The following USP7 variants were observed in gnomAD, a reference collection of about 807,000 sequenced individuals.
USP7 encodes ubiquitin C-terminal hydrolase 7.
Under a neutral mutation model 162.9 loss-of-function variants are expected in USP7, and 9 were observed. That is an observed-to-expected ratio of 0.06 (90% confidence interval 0.03 to 0.10). The LOEUF (loss-of-function observed/expected upper bound fraction) is 0.10, where lower values mean the gene tolerates loss of function less well. Ranked by LOEUF, USP7 falls within the 10% of genes least tolerant of loss-of-function variation. The pLI, the probability that USP7 is intolerant of heterozygous loss-of-function variation, is 1.00. For synonymous variants in USP7, 562 were observed against 475.9 expected (o/e 1.18, Z -2.35); for missense variants, 715 against 1,373.7 (o/e 0.52, Z 7.58).
chr16:8,959,995 G>A (rs191123819), intron 1 of USP7, among the ~76,000 whole-genome samples: 110 of 152,302 alleles, frequency 7.2e-4, no homozygotes, highest in Admixed American at 2.5e-3. Context: ...GAAAAAAACA[G>A]TTTGTATGCA....
intron 26 of USP7, among the ~76,000 whole-genome samples, chr16:8,896,189 A>G (rs75153326): frequency 0.011 from 1,608 of 147,330 alleles, 35 homozygotes; most frequent in African/African-American, 0.039. Flanking sequence ...AGAAACAGAG[A>G]CCGGAGGCAA....
chr16:8,926,102 T>G (rs568236615), intron 2 of USP7, among the ~76,000 whole-genome samples: 1 of 148,194 alleles, frequency 6.7e-6, no homozygotes, highest in Admixed American at 6.8e-5. Flanking sequence ...TGCAGTGAGC[T>G]GAGATCGCGC....
At chr16:8,898,708 G>A (rs2061726675) in intron 23 of USP7, 69 bp from the exon 24 acceptor site, 2 of 1,308,534 alleles carry the variant, frequency 1.5e-6, no homozygotes, top group African/African-American at 1.5e-5. Flanking sequence ...CTGTGAGTGA[G>A]CATAAAAGCA....
intron 1 of USP7, among the ~76,000 whole-genome samples, chr16:8,931,103 C>A (rs959497185): frequency 4.6e-5 from 7 of 151,814 alleles, no homozygotes; most frequent in African/African-American, 1.7e-4. Context: ...ATTCTACAGC[C>A]AATTTTGTTG....
chr16:8,937,784 A>G (rs1898833207), intron 1 of USP7, among the ~76,000 whole-genome samples: 1 of 152,254 alleles, frequency 6.6e-6, no homozygotes, highest in South Asian at 2.1e-4. Flanking sequence ...ACAAAAAAGC[A>G]GTTTGGGAGA....
intron 11 of USP7, 77 bp downstream of exon 11, chr16:8,910,668 T>A: frequency 7.2e-7 from 1 of 1,379,550 alleles, no homozygotes; most frequent in Non-Finnish European, 1.0e-6. Flanking sequence ...ACAAGCAAAT[T>A]TTTATTTAGC....
At chr16:8,941,461 G>A (rs188182214) in intron 1 of USP7, among the ~76,000 whole-genome samples, 30 of 152,294 alleles carry the variant, frequency 2.0e-4, no homozygotes, top group East Asian at 3.9e-4. Flanking sequence ...GTAAAGGCAC[G>A]TATCTCCAGC....
rs747642811 is a variant in USP7 at position 8,910,845 on chromosome 16, G to GA, written c.1079-19dup. The stretch of plus-strand genomic sequence containing the variant: ...TTCAAATACTTTAAAGAGAGAGAGA[G>GA]AAAAGTCAAGTGCTAAAGCTTCATT... On this transcript the variant is annotated intron_variant, in intron 10 of 30. Transcript: ENST00000344836. 6 of 1,594,706 alleles carry GA rather than the reference G, an allele frequency of 3.8e-6. No homozygotes were observed. Among genetic ancestry groups the GA allele is most frequent in the Non-Finnish European group, 5.2e-6 (6 of 1,163,760 alleles).
At chr16:8,916,100 T>C (rs988631845) in intron 8 of USP7, among the ~76,000 whole-genome samples, 2 of 152,146 alleles carry the variant, frequency 1.3e-5, no homozygotes, top group African/African-American at 4.8e-5. Context: ...CATGCTGAGG[T>C]CTGCTCAATG....
At chr16:8,899,301 G>A in intron 22 of USP7, 113 bp from the exon 23 acceptor site, 1 of 1,036,174 alleles carries the variant, frequency 9.7e-7, no homozygotes, top group Non-Finnish European at 1.4e-6. Context: ...AAATTCCCTA[G>A]AAATTTATTA....
chr16:8,943,547 A>AT (rs904068497), intron 1 of USP7, among the ~76,000 whole-genome samples: 6 of 151,954 alleles, frequency 3.9e-5, no homozygotes, highest in African/African-American at 1.5e-4. Flanking sequence ...TGAGAAACAC[A>AT]AACGACTAAC....
intron 1 of USP7, among the ~76,000 whole-genome samples, chr16:8,954,506 T>TG (rs1899700500): frequency 6.6e-6 from 1 of 152,222 alleles, no homozygotes; most frequent in Admixed American, 6.5e-5. Context: ...AGGATTACCC[T>TG]GTTAACCGTA....
intron 3 of USP7, among the ~76,000 whole-genome samples, chr16:8,921,584 G>A (rs1022188266): frequency 6.6e-6 from 1 of 152,142 alleles, no homozygotes; most frequent in African/African-American, 2.4e-5. Flanking sequence ...TTTGACCTCT[G>A]CTTCTACTGC....
chr16:8,904,888 C>T (rs1325356156), intron 14 of USP7, among the ~76,000 whole-genome samples: 2 of 152,122 alleles, frequency 1.3e-5, no homozygotes, highest in South Asian at 2.1e-4. Flanking sequence ...AGGAGAGTGG[C>T]GAGAACCCGG....
In USP7 at chr16:8,913,391, AGAAGT is replaced by A. The variant is rs200093887; in HGVS notation, c.1078+1858_1078+1862del. On this transcript the variant is annotated intron_variant, in intron 10 of 30. Transcript: ENST00000344836. The stretch of plus-strand genomic sequence containing the variant: ...GAGAAGAGGGAAGACAGGAGAGAAG[AGAAGT>A]GAAGTGAAGCGAAGCGAAGAATATG... Among the ~76,000 whole-genome samples the A allele has an allele frequency of 7.9e-5, 12 of 152,096 alleles. No individual in the cohort carries two copies. The East Asian group carries it at 2.1e-3, about 27-fold the overall frequency.
Position 8,959,520 on chromosome 16 carries a change from G to A in USP7, c.79+3687C>T, listed in dbSNP as rs574078819. 3.3e-5 allele frequency among the ~76,000 whole-genome samples: 5 copies of A among 152,334 alleles called. No individual in the cohort carries two copies. In the East Asian group the frequency reaches 9.6e-4, roughly 29 times the overall value. ...TAAAACCTGACGTGCTCACATCAGA[G>A]TGAGATGCTAGGTTTGGCCTAATTT... On this transcript the variant is annotated intron_variant, in intron 1 of 30. Coordinates refer to ENST00000344836, the MANE Select transcript of USP7 (RefSeq NM_003470.3).
intron 1 of USP7, among the ~76,000 whole-genome samples, chr16:8,955,704 CAAAAAAAAA>C (rs58029349): frequency 9.9e-6 from 1 of 100,974 alleles, no homozygotes; most frequent in Non-Finnish European, 1.9e-5. Context: ...GATTCCATCT[CAAAAAAAAA>C]AAAAAAAAAA....
intron 18 of USP7, chr16:8,901,855 C>G: frequency 1.8e-6 from 1 of 553,422 alleles, no homozygotes; most frequent in Non-Finnish European, 3.2e-6. Flanking sequence ...AGACTGAAGA[C>G]AGAACAGGAC....
In USP7 at chr16:8,900,650, A is replaced by G. The variant is rs771384506; in HGVS notation, c.2209-20T>C. 6.4e-6 allele frequency: 10 copies of G among 1,561,836 alleles called. No homozygotes were observed. Among genetic ancestry groups the G allele is most frequent in the Non-Finnish European group, 8.8e-6 (10 of 1,140,370 alleles). ...AACTTCCTACAGTGAAAGATATAAA[A>G]TTGTTACACTGCAAGTTTGTCTAAC... is the stretch of plus-strand genomic sequence containing the variant. On this transcript the variant is annotated intron_variant, in intron 20 of 30. Coordinates refer to ENST00000344836, the MANE Select transcript of USP7 (RefSeq NM_003470.3).
Sources: allele counts gnomAD v4.1 joint callset (sites outside exome capture counted in the v4.1 genomes callset), GRCh38; gene constraint gnomAD v4.1.1; transcripts MANE v1.5; gene names NCBI Gene and HGNC (gene_info 2026-07-23, HGNC 2026-07-21).